The following TMEM232 variants were observed in gnomAD, a reference collection of about 807,000 sequenced individuals.
TMEM232 encodes transmembrane protein 232.
A neutral mutation model predicts 78.8 loss-of-function variants in TMEM232; 80 were observed. The observed-to-expected ratio is 1.01, with a 90% CI of 0.85 to 1.22. TMEM232 has a LOEUF of 1.22. Ranked by LOEUF, TMEM232 falls within the 50% of genes most tolerant of loss-of-function variation. The pLI is 0.00. For synonymous variants in TMEM232, 297 were observed against 254.3 expected (o/e 1.17, Z -1.60); for missense variants, 881 against 742.2 (o/e 1.19, Z -2.17).
chr5:110,719,757 T>C (rs1797397020), intron 1 of TMEM232, among the ~76,000 whole-genome samples: 1 of 152,146 alleles, frequency 6.6e-6, no homozygotes, highest in African/African-American at 2.4e-5. Flanking sequence ...ACCGTCACCC[T>C]GGGATGACAG....
chr5:110,670,306 G>T (rs1388523949), intron 1 of TMEM232, among the ~76,000 whole-genome samples: 1 of 152,084 alleles, frequency 6.6e-6, no homozygotes, highest in South Asian at 2.1e-4. Flanking sequence ...AAATCAATGT[G>T]CAAAAATCAC....
In TMEM232 at chr5:110,635,771, C is replaced by T. The variant is rs185586049; in HGVS notation, c.501+2427G>A. Among the ~76,000 whole-genome samples the T allele has an allele frequency of 6.6e-5, 10 of 151,630 alleles. No homozygotes were observed. The East Asian group carries it at 1.2e-3, about 18-fold the overall frequency. ...AGACAAAAAAAAATACACATGATGG[C>T]GAGGATACAGAGAAAAGAGAATGCA... On this transcript the variant is annotated intron_variant, in intron 5 of 13. Transcript: ENST00000455884.
At chr5:110,585,837 G>A (rs753419127) in intron 10 of TMEM232, among the ~76,000 whole-genome samples, 7 of 152,020 alleles carry the variant, frequency 4.6e-5, no homozygotes, top group Admixed American at 6.6e-5. Context: ...TCCAGTTCCA[G>A]GCCCTTCTCA....
chr5:110,609,033 A>C (rs1436284576), intron 8 of TMEM232, among the ~76,000 whole-genome samples: 1 of 152,080 alleles, frequency 6.6e-6, no homozygotes, highest in Non-Finnish European at 1.5e-5. Flanking sequence ...ACACACATGC[A>C]CACATTTATA....
intron 1 of TMEM232, among the ~76,000 whole-genome samples, chr5:110,691,206 T>C (rs763751496): frequency 2.0e-5 from 3 of 150,590 alleles, no homozygotes; most frequent in Non-Finnish European, 4.4e-5. Context: ...TTTAAAAGCA[T>C]CATTAAAGTT....
intron 10 of TMEM232, among the ~76,000 whole-genome samples, chr5:110,600,818 A>C (rs1460609882): frequency 2.0e-5 from 3 of 152,220 alleles, no homozygotes; most frequent in African/African-American, 4.8e-5. Flanking sequence ...TTATGAGGCC[A>C]GCATCATCCT....
chr5:110,553,704 C>T (rs1339056006), intron 11 of TMEM232, among the ~76,000 whole-genome samples: 1 of 152,068 alleles, frequency 6.6e-6, no homozygotes, highest in Non-Finnish European at 1.5e-5. Flanking sequence ...ATTTGGATGG[C>T]TTTATTTCAT....
intron 7 of TMEM232, among the ~76,000 whole-genome samples, chr5:110,619,394 A>T (rs182604972): frequency 3.4e-4 from 52 of 152,282 alleles, no homozygotes; most frequent in African/African-American, 1.2e-3. Flanking sequence ...TTAAGCTAAG[A>T]TATTTTAAGT....
chr5:110,597,947 G>A (rs1243464021), intron 10 of TMEM232, among the ~76,000 whole-genome samples: 3 of 152,124 alleles, frequency 2.0e-5, no homozygotes, highest in Admixed American at 2.0e-4. Flanking sequence ...CAGGACATAG[G>A]CATGGGCAAG....
chr5:110,630,060 A>T (rs1784926022), intron 5 of TMEM232, among the ~76,000 whole-genome samples: 1 of 152,182 alleles, frequency 6.6e-6, no homozygotes, highest in Non-Finnish European at 1.5e-5. Context: ...AAAGAACAAA[A>T]GGGAGGTTTC....
At chr5:110,725,388 G>A (rs977505299) in intron 1 of TMEM232, among the ~76,000 whole-genome samples, 1 of 152,128 alleles carries the variant, frequency 6.6e-6, no homozygotes, top group African/African-American at 2.4e-5. Flanking sequence ...GACACATTTT[G>A]GAAAATGTTA....
At chr5:110,642,943 T>C (rs752952988) in intron 2 of TMEM232, among the ~76,000 whole-genome samples, 11 of 152,056 alleles carry the variant, frequency 7.2e-5, no homozygotes, top group Non-Finnish European at 1.3e-4. Flanking sequence ...ATTTCTCCAA[T>C]GCTATACTGA....
At chr5:110,508,284 G>C (rs183672541) in intron 12 of TMEM232, among the ~76,000 whole-genome samples, 199 of 152,050 alleles carry the variant, frequency 1.3e-3, no homozygotes, top group Admixed American at 2.2e-3. Context: ...AGTGGAAGCT[G>C]TTCAGAATGA....
chr5:110,438,699 A>T (rs2112738438), intron 12 of TMEM232, among the ~76,000 whole-genome samples: 1 of 152,232 alleles, frequency 6.6e-6, no homozygotes, highest in East Asian at 1.9e-4. Context: ...AGGCTTTCAA[A>T]GTCCCTGAAT....
chr5:110,704,726 T>C (rs1264068386), intron 1 of TMEM232, among the ~76,000 whole-genome samples: 1 of 152,068 alleles, frequency 6.6e-6, no homozygotes, highest in Non-Finnish European at 1.5e-5. Context: ...ATTAAGATAC[T>C]ACCAGGGCCC....
intron 1 of TMEM232, among the ~76,000 whole-genome samples, chr5:110,701,672 G>A (rs1324335364): frequency 3.3e-5 from 5 of 151,908 alleles, no homozygotes; most frequent in African/African-American, 4.8e-5. Context: ...ACCTGAGATG[G>A]CTTTCAATAT....
At position 110,420,362 on chromosome 5, in the gene TMEM232, C is replaced by G. The variant is rs1351078524; in HGVS notation, c.*218G>C. On this transcript the variant is annotated 3_prime_UTR_variant, in exon 14 of 14. Coordinates refer to ENST00000455884, the MANE Select transcript of TMEM232 (RefSeq NM_001039763.4). ...CTTGGAAATTTTTGACTAGTGAAATCACTTCATTCAAGTGTGATTAAAAGT... is the reference window on the plus strand; with the variant it reads ...CTTGGAAATTTTTGACTAGTGAAATGACTTCATTCAAGTGTGATTAAAAGT... 20 of 369,458 alleles carry G rather than the reference C, an allele frequency of 5.4e-5. No individual in the cohort carries two copies. The East Asian group carries it at 9.0e-4, about 17-fold the overall frequency. 22.9% of individuals were successfully genotyped at this position (369,458 alleles called of 1,614,324 possible). A position where few individuals can be genotyped will look rare whatever the true frequency, so the allele number is the denominator to read the frequency against.
At chr5:110,645,068 A>G (rs1787293396) in intron 2 of TMEM232, among the ~76,000 whole-genome samples, 1 of 151,656 alleles carries the variant, frequency 6.6e-6, no homozygotes, top group African/African-American at 2.4e-5. Flanking sequence ...AATAAAAAAA[A>G]AGATTAGATT....
intron 1 of TMEM232, among the ~76,000 whole-genome samples, chr5:110,700,891 C>A (rs943023096): frequency 6.6e-6 from 1 of 151,866 alleles, no homozygotes; most frequent in Admixed American, 6.6e-5. Flanking sequence ...CTCAACCCCA[C>A]CTTTCCTAAA....
Sources: allele counts gnomAD v4.1 joint callset (sites outside exome capture counted in the v4.1 genomes callset), GRCh38; gene constraint gnomAD v4.1.1; transcripts MANE v1.5; gene names NCBI Gene and HGNC (gene_info 2026-07-23, HGNC 2026-07-21).